The following HSD17B7 variants were observed in gnomAD, a reference collection of about 807,000 sequenced individuals.
HSD17B7 encodes the protein hydroxysteroid 17-beta dehydrogenase 7.
A neutral mutation model predicts 34.1 loss-of-function variants in HSD17B7; 17 were observed. The observed-to-expected ratio is 0.50, with a 90% CI of 0.34 to 0.75. The LOEUF is 0.75. Ranked by LOEUF, HSD17B7 falls within the 30% of genes least tolerant of loss-of-function variation. HSD17B7 has a pLI of 0.01. For missense variants in HSD17B7, 296 were observed against 406.6 expected, an observed-to-expected ratio of 0.73 and a Z score of 2.34; for synonymous variants, 122 against 154.6, an observed-to-expected ratio of 0.79 and a Z score of 1.56.
chr1:162,804,246 C>T (rs767566464), intron 6 of HSD17B7, 21 bp from the exon 7 acceptor site: 1 of 1,595,270 alleles, frequency 6.3e-7, no homozygotes, highest in South Asian at 1.1e-5. Context: ...CAAAAAATAA[C>T]AGTTGTTTTC....
At position 162,800,239 on chromosome 1, in the gene HSD17B7, T is replaced by G. The variant is rs1379730423; in HGVS notation, c.642+302T>G. 3 of 526,930 alleles carry G rather than the reference T, an allele frequency of 5.7e-6. No individual in the cohort carries two copies. In the East Asian group the frequency reaches 1.5e-4, roughly 26 times the overall value. The allele number at this position is 526,930 out of a possible 1,614,324, so 32.6% of individuals were successfully genotyped here. On this transcript the variant is annotated intron_variant, in intron 5 of 8. Transcript: ENST00000254521. ...TGCTGTATTCGTCTGTGTATGTCAT[T>G]AAATACCTGCCTCATTACATGGAGG...
At chr1:162,793,340 C>T (rs1253628548) in intron 2 of HSD17B7, among the ~76,000 whole-genome samples, 1 of 152,188 alleles carries the variant, frequency 6.6e-6, no homozygotes, top group African/African-American at 2.4e-5. Flanking sequence ...GCCAGTACCA[C>T]ATTTTCAGTC....
intron 2 of HSD17B7, among the ~76,000 whole-genome samples, chr1:162,793,921 C>T (rs1648505736): frequency 6.7e-6 from 1 of 149,110 alleles, no homozygotes; most frequent in African/African-American, 2.6e-5. Flanking sequence ...GATTTGTTCA[C>T]ACCTTCACAG....
intron 3 of HSD17B7, 22 bp from the exon 4 acceptor site, chr1:162,797,780 C>T: frequency 1.2e-6 from 2 of 1,600,242 alleles, no homozygotes. Flanking sequence ...AAAAGTCATG[C>T]AATTATCTTC....
chr1:162,792,642 C>T lies in HSD17B7; in HGVS notation c.36-17C>T. 2 of 1,605,652 alleles carry T rather than the reference C, an allele frequency of 1.2e-6. No individual in the cohort carries two copies. The highest frequency in any genetic ancestry group is 1.7e-6 in the Non-Finnish European group (2 of 1,175,858). On this transcript the variant is annotated splice_polypyrimidine_tract_variant and intron_variant, in intron 1 of 8. Coordinates refer to ENST00000254521, the MANE Select transcript of HSD17B7 (RefSeq NM_016371.4). ...ATCCCAGATAACCCACATCTTGTGT[C>T]TGAATTGTCCTCCCAGTGGCATTGG... is the stretch of plus-strand genomic sequence containing the variant.
At chr1:162,800,922 C>CG (rs1206340674) in intron 5 of HSD17B7, among the ~76,000 whole-genome samples, 20 of 152,176 alleles carry the variant, frequency 1.3e-4, no homozygotes, top group African/African-American at 4.8e-4. Flanking sequence ...CTAGACCTGG[C>CG]TTATTCTGGA....
intron 3 of HSD17B7, chr1:162,797,541 G>A: frequency 3.2e-6 from 1 of 310,574 alleles, no homozygotes; most frequent in Non-Finnish European, 5.9e-6. Context: ...TTAGCAGCAG[G>A]TTTTTGAGAG....
At position 162,796,640 on chromosome 1, in the gene HSD17B7, C is replaced by T. The variant is rs202204025; in HGVS notation, c.295C>T (p.Leu99=). 9.3e-5 allele frequency: 150 copies of T among 1,612,046 alleles called. No individual in the cohort carries two copies. Among genetic ancestry groups the T allele is most frequent in the Middle Eastern group, 4.9e-4 (3 of 6,074 alleles). The change falls in exon 3 of 9, where the codon CTA becomes TTA. Residue 99 remains leucine (L), a synonymous_variant. Coordinates refer to ENST00000254521, the MANE Select transcript of HSD17B7 (RefSeq NM_016371.4). ...TGCTGGGATCATGCCTAATCCACAA[C>T]TAAATATCAAAGCACTTTTCTTTGG... ...LNAGIMPNPQ[L]NIKALFFGLF...
Position 162,792,871 on chromosome 1 carries a change from C to T in HSD17B7, c.239+9C>T. The stretch of plus-strand genomic sequence containing the variant: ...AAGGAACTTAAGCAAAGGTATATCT[C>T]TTGCTGATGGATTTTTTTTCTCATG... On this transcript the variant is annotated intron_variant, in intron 2 of 8. Transcript: ENST00000254521. 1 of 1,612,930 alleles carries T rather than the reference C, an allele frequency of 6.2e-7. No homozygotes were observed. Among genetic ancestry groups the T allele is most frequent in the South Asian group, 1.1e-5 (1 of 91,034 alleles).
Position 162,799,943 on chromosome 1 carries a change from G to C in HSD17B7, c.642+6G>C, listed in dbSNP as rs768389315. Reference sequence around the variant, plus strand: ...ACAGGAACTTCAACCAGCAGGTAAGGCCTGTCTCAGTGATACGGAAATGGC... The same window carrying C: ...ACAGGAACTTCAACCAGCAGGTAAGCCCTGTCTCAGTGATACGGAAATGGC... On this transcript the variant is annotated splice_donor_region_variant and intron_variant, in intron 5 of 8. Transcript: ENST00000254521. 1.9e-6 allele frequency: 3 copies of C among 1,613,206 alleles called. No individual in the cohort carries two copies. Among genetic ancestry groups the C allele is most frequent in the Non-Finnish European group, 2.5e-6 (3 of 1,179,366 alleles).
chr1:162,810,906 T>A (rs1196385671), intron 8 of HSD17B7, among the ~76,000 whole-genome samples: 1 of 152,230 alleles, frequency 6.6e-6, no homozygotes, highest in East Asian at 1.9e-4. Context: ...TTATCCAATT[T>A]GCCAGTCTGT....
chr1:162,799,644 C>T (rs889384367), intron 4 of HSD17B7, 99 bp from the exon 5 acceptor site: 22 of 706,540 alleles, frequency 3.1e-5, no homozygotes, highest in Non-Finnish European at 5.3e-5. Context: ...ATACTGATGT[C>T]TCTGACCCTA....
At chr1:162,802,170 A>G (rs1648833789) in intron 5 of HSD17B7, among the ~76,000 whole-genome samples, 1 of 152,342 alleles carries the variant, frequency 6.6e-6, no homozygotes, top group South Asian at 2.1e-4. Context: ...TCACAATTTA[A>G]TCCCTATAAT....
Position 162,812,479 on chromosome 1 carries a change from A to G in HSD17B7, c.*59A>G, listed in dbSNP as rs1649198329. ...CACTTGAGACCAGGAGTTCAAGACC[A>G]GCCTGAGAAACATAGTGAGCCCTTG... On this transcript the variant is annotated 3_prime_UTR_variant, in exon 9 of 9. Coordinates refer to ENST00000254521, the MANE Select transcript of HSD17B7 (RefSeq NM_016371.4). 6.7e-7 allele frequency: 1 copy of G among 1,495,290 alleles called. No homozygotes were observed. The highest frequency in any genetic ancestry group is 9.1e-7 in the Non-Finnish European group (1 of 1,103,216). 92.6% of individuals were successfully genotyped at this position (1,495,290 alleles called of 1,614,324 possible).
intron 3 of HSD17B7, chr1:162,797,088 G>T: frequency 5.7e-6 from 1 of 173,942 alleles, no homozygotes; most frequent in East Asian, 1.6e-4. Context: ...ATGTTTCCTG[G>T]GAGATTCTCG....
chr1:162,807,222 T>A (rs1416542765), intron 8 of HSD17B7, among the ~76,000 whole-genome samples: 1 of 151,972 alleles, frequency 6.6e-6, no homozygotes, highest in East Asian at 1.9e-4. Context: ...GAACATGCGG[T>A]GTTTGGTTTT....
At chr1:162,803,155 G>A (rs2257594) in intron 5 of HSD17B7, 5 of 208,808 alleles carry the variant, frequency 2.4e-5, no homozygotes, top group Admixed American at 1.6e-4. Context: ...CTCCCCCAGC[G>A]TTAAGATTGG....
In HSD17B7 at chr1:162,799,940, A is replaced by G. The variant is rs1448353740; in HGVS notation, c.642+3A>G. The G allele has an allele frequency of 1.2e-6, 2 of 1,612,030 alleles. No homozygotes were observed. Among genetic ancestry groups the G allele is most frequent in the Non-Finnish European group, 1.7e-6 (2 of 1,178,496 alleles). Reference sequence around the variant, plus strand: ...TGAACAGGAACTTCAACCAGCAGGTAAGGCCTGTCTCAGTGATACGGAAAT... The same window carrying G: ...TGAACAGGAACTTCAACCAGCAGGTGAGGCCTGTCTCAGTGATACGGAAAT... On this transcript the variant is annotated splice_donor_region_variant and intron_variant, in intron 5 of 8. Coordinates refer to ENST00000254521, the MANE Select transcript of HSD17B7 (RefSeq NM_016371.4).
chr1:162,800,471 A>G (rs778877952), intron 5 of HSD17B7, among the ~76,000 whole-genome samples: 7 of 152,226 alleles, frequency 4.6e-5, no homozygotes, highest in Non-Finnish European at 1.0e-4. Context: ...TCAAGTAGTT[A>G]TGAAACCTTC....
Sources: gnomAD v4.1 joint callset for allele counts (sites outside exome capture counted in the v4.1 genomes callset) on GRCh38, gnomAD v4.1.1 for gene constraint, MANE v1.5 for transcripts, NCBI Gene and HGNC (gene_info 2026-07-23, HGNC 2026-07-21) for gene names.